SUMF1: variants seen among roughly 807,000 people sequenced by gnomAD.
SUMF1 encodes formylglycine-generating enzyme.
Under a neutral mutation model 47.6 loss-of-function variants are expected in SUMF1, and 48 were observed. The ratio of observed to expected loss-of-function variants is 1.01; its 90% CI spans 0.80 to 1.28. The LOEUF is 1.28. SUMF1 is among the 50% of genes most tolerant of loss of function. The pLI is 0.00. For synonymous variants in SUMF1, 230 were observed against 192.1 expected, an observed-to-expected ratio of 1.20 and a Z score of -1.63; for missense variants, 571 against 485.4, an observed-to-expected ratio of 1.18 and a Z score of -1.66.
intron 8 of SUMF1, among the ~76,000 whole-genome samples, chr3:4,086,817 G>A (rs1692682017): frequency 6.6e-6 from 1 of 151,994 alleles, no homozygotes; most frequent in Admixed American, 6.6e-5. Context: ...AAATCTGACG[G>A]TTTTATAAGG....
At chr3:4,408,943 T>C (rs761691017) in intron 7 of SUMF1, among the ~76,000 whole-genome samples, 33 of 151,996 alleles carry the variant, frequency 2.2e-4, no homozygotes, top group Non-Finnish European at 1.0e-4. Context: ...GCCTGAGGGA[T>C]AGAGCGAGAC....
chr3:4,251,708 C>T (rs1166900935), intron 8 of SUMF1, among the ~76,000 whole-genome samples: 2 of 152,176 alleles, frequency 1.3e-5, no homozygotes, highest in Non-Finnish European at 2.9e-5. Context: ...TGCCAGATAG[C>T]ATCTTCTTCT....
In SUMF1 at chr3:4,049,300, G is replaced by T. The variant is rs146008228; in HGVS notation, c.1191+19269C>A. 2.9e-3 allele frequency among the ~76,000 whole-genome samples: 441 copies of T among 152,236 alleles called. 6 individuals are homozygous for T. The highest frequency in any genetic ancestry group is 0.028 in the South Asian group (135 of 4,826). On this transcript the variant is annotated intron_variant and NMD_transcript_variant, in intron 9 of 12. Transcript: ENST00000448413. ...TTCAATAGCTCTCACAGCTTTTACT[G>T]GAGGTAATGCTGTATCACTTCTTCT... is the stretch of plus-strand genomic sequence containing the variant.
At chr3:4,242,159 C>T (rs1374205459) in intron 8 of SUMF1, among the ~76,000 whole-genome samples, 1 of 152,132 alleles carries the variant, frequency 6.6e-6, no homozygotes, top group Non-Finnish European at 1.5e-5. Flanking sequence ...TGCTTATCAG[C>T]TTAAGGAGAT....
intron 8 of SUMF1, among the ~76,000 whole-genome samples, chr3:4,213,593 C>T (rs781406735): frequency 6.6e-6 from 1 of 152,132 alleles, no homozygotes; most frequent in Non-Finnish European, 1.5e-5. Flanking sequence ...GGGCTAAATG[C>T]CCCAATTAAA....
chr3:4,265,827 T>TTA (rs1697181951), intron 8 of SUMF1, among the ~76,000 whole-genome samples: 1 of 152,226 alleles, frequency 6.6e-6, no homozygotes, highest in Non-Finnish European at 1.5e-5. Flanking sequence ...TCAATGGTAA[T>TTA]GCCTAGGTTT....
intron 2 of SUMF1, among the ~76,000 whole-genome samples, chr3:4,452,418 G>A (rs1011088903): frequency 2.6e-5 from 4 of 152,148 alleles, no homozygotes; most frequent in African/African-American, 9.7e-5. Context: ...CTGCACTTCT[G>A]CATTTATCAC....
chr3:4,425,051 C>G (rs931385069), intron 3 of SUMF1, among the ~76,000 whole-genome samples: 1 of 152,186 alleles, frequency 6.6e-6, no homozygotes, highest in Non-Finnish European at 1.5e-5. Flanking sequence ...TGTCTCCAGA[C>G]ATTGCTAAAT....
chr3:4,427,142 C>G (rs1702093848), intron 3 of SUMF1, among the ~76,000 whole-genome samples: 1 of 152,190 alleles, frequency 6.6e-6, no homozygotes, highest in Non-Finnish European at 1.5e-5. Flanking sequence ...ATAAAATCAG[C>G]ACAGGAAAAA....
At chr3:4,420,307 T>C (rs904744104) in intron 3 of SUMF1, among the ~76,000 whole-genome samples, 161 bp from the exon 4 acceptor site, 1 of 151,644 alleles carries the variant, frequency 6.6e-6, no homozygotes, top group Non-Finnish European at 1.5e-5. Context: ...TATATGTAAA[T>C]AAATCTTTAA....
chr3:4,063,663 T>TA (rs1178835538), intron 9 of SUMF1, among the ~76,000 whole-genome samples: 1 of 152,100 alleles, frequency 6.6e-6, no homozygotes, highest in Non-Finnish European at 1.5e-5. Context: ...TGCAAACTGA[T>TA]ATCACCAATA....
chr3:4,400,338 G>A (rs1477205858), intron 7 of SUMF1, among the ~76,000 whole-genome samples: 2 of 152,130 alleles, frequency 1.3e-5, no homozygotes, highest in Admixed American at 1.3e-4. Flanking sequence ...AAAAACCCGG[G>A]CTTTGGTTCT....
intron 8 of SUMF1, among the ~76,000 whole-genome samples, chr3:4,113,678 G>GT (rs1188460550): frequency 5.9e-5 from 9 of 151,924 alleles, no homozygotes; most frequent in South Asian, 2.1e-4. Context: ...AATACTAAAG[G>GT]TTTTTTTGGA....
At position 4,362,230 on chromosome 3, in the gene SUMF1, C is replaced by G; in HGVS notation, c.1039G>C (p.Ala347Pro). Residue 347 changes from alanine (A) to proline (P), a missense_variant, in exon 9 of 9, where the codon GCT becomes CCT. By Grantham distance (27) the Ala-to-Pro change is conservative. Coordinates refer to ENST00000272902, the MANE Select transcript of SUMF1 (RefSeq NM_182760.4). The part of the protein sequence containing the change: ...HRSYCYRYRC[A>P]ARSQNTPDSS... ...TCAGGTGTGTTCTGGCTCCGAGCAG[C>G]ACAGCGATACCTGTAACAATAAGAC... 6.2e-7 allele frequency: 1 copy of G among 1,614,172 alleles called. No individual in the cohort carries two copies. The highest frequency in any genetic ancestry group is 8.5e-7 in the Non-Finnish European group (1 of 1,180,004).
chr3:4,449,263 T>C lies in SUMF1; in HGVS notation c.519+3A>G, dbSNP rs1232532360. The C allele has an allele frequency of 1.2e-6, 2 of 1,614,156 alleles. No homozygotes were observed. Among genetic ancestry groups the C allele is most frequent in the East Asian group, 2.2e-5 (1 of 44,886 alleles). On this transcript the variant is annotated splice_donor_region_variant and intron_variant, in intron 3 of 8. Transcript: ENST00000272902. ...TACAGGAGCCTGTTGAAACATTACT[T>C]ACTGCCTGTTGAATATTGGTCTTCA...
chr3:4,465,118 A>G (rs1423569747), intron 1 of SUMF1, among the ~76,000 whole-genome samples: 1 of 152,250 alleles, frequency 6.6e-6, no homozygotes, highest in East Asian at 1.9e-4. Context: ...CAATGTATAT[A>G]TGCAAATGAG....
chr3:4,337,043 T>C (rs1699167300), intron 8 of SUMF1, among the ~76,000 whole-genome samples: 1 of 152,130 alleles, frequency 6.6e-6, no homozygotes, highest in African/African-American at 2.4e-5. Context: ...ACACTCTGGA[T>C]TTTCTTTGTC....
intron 9 of SUMF1, among the ~76,000 whole-genome samples, chr3:4,038,145 C>G (rs759226641): frequency 9.2e-5 from 14 of 152,174 alleles, no homozygotes; most frequent in Admixed American, 1.3e-4. Context: ...TATTTCCTCA[C>G]CAACTTGGAG....
chr3:4,057,144 T>G (rs997572453), intron 9 of SUMF1, among the ~76,000 whole-genome samples: 3 of 152,156 alleles, frequency 2.0e-5, no homozygotes, highest in Non-Finnish European at 2.9e-5. Flanking sequence ...AATAAAAGAA[T>G]GTGCAGGATG....
Sources: gnomAD v4.1 joint callset for allele counts (sites outside exome capture counted in the v4.1 genomes callset) on GRCh38, gnomAD v4.1.1 for gene constraint, MANE v1.5 for transcripts, NCBI Gene and HGNC (gene_info 2026-07-23, HGNC 2026-07-21) for gene names.